Variants in MORN5 observed in about 807,000 individuals in gnomAD.
The protein encoded by MORN5 is MORN repeat containing 5, also known as MORN repeat-containing protein 5.
Under a neutral mutation model 22.1 loss-of-function variants are expected in MORN5, and 21 were observed. The observed-to-expected ratio is 0.95, with a 90% CI of 0.67 to 1.37. MORN5 has a LOEUF of 1.37. MORN5 is among the 40% of genes most tolerant of loss of function. The pLI is 0.00. For missense variants in MORN5, 211 were observed against 215.1 expected, an observed-to-expected ratio of 0.98 and a Z score of 0.12; for synonymous variants, 73 against 74.0, an observed-to-expected ratio of 0.99 and a Z score of 0.07.
chr9:122,187,247 G>A (rs1182561758), intron 4 of MORN5, among the ~76,000 whole-genome samples: 2 of 152,218 alleles, frequency 1.3e-5, no homozygotes, highest in Non-Finnish European at 2.9e-5. Flanking sequence ...ACATCCCAAA[G>A]GGAGGAGCCA....
intron 4 of MORN5, among the ~76,000 whole-genome samples, chr9:122,186,011 T>A (rs900227499): frequency 1.3e-5 from 2 of 152,200 alleles, no homozygotes; most frequent in African/African-American, 2.4e-5. Flanking sequence ...GGGACATCCA[T>A]GCTTTATCTG....
At chr9:122,186,135 G>A (rs1200465874) in intron 4 of MORN5, among the ~76,000 whole-genome samples, 2 of 152,212 alleles carry the variant, frequency 1.3e-5, no homozygotes, top group Non-Finnish European at 2.9e-5. Context: ...CGCATTTGCT[G>A]TAAGCAAAAG....
intron 3 of MORN5, among the ~76,000 whole-genome samples, chr9:122,170,599 C>A (rs1313055639): frequency 6.6e-6 from 1 of 152,200 alleles, no homozygotes; most frequent in Non-Finnish European, 1.5e-5. Flanking sequence ...CCTGCCCAGT[C>A]AGCCTTCCTA....
chr9:122,196,800 A>G (rs1829902780), intron 4 of MORN5, among the ~76,000 whole-genome samples: 1 of 152,200 alleles, frequency 6.6e-6, no homozygotes, highest in Non-Finnish European at 1.5e-5. Context: ...GACATAGGAT[A>G]TACTATGTGT....
intron 3 of MORN5, among the ~76,000 whole-genome samples, chr9:122,171,013 AAGTGT>A (rs1264774742): frequency 1.3e-5 from 2 of 152,154 alleles, no homozygotes; most frequent in African/African-American, 4.8e-5. Context: ...AAAAAAAGAA[AAGTGT>A]AGTTTTTGGC....
chr9:122,199,790 C>A, intron 4 of MORN5, 95 bp from the exon 5 acceptor site: 1 of 1,160,876 alleles, frequency 8.6e-7, no homozygotes, highest in Non-Finnish European at 1.3e-6. Context: ...ATCGACGGAC[C>A]ATCCCAGTCC....
chr9:122,166,610 T>C (rs567221763), intron 1 of MORN5, among the ~76,000 whole-genome samples, 158 bp from the exon 2 acceptor site: 111 of 152,156 alleles, frequency 7.3e-4, no homozygotes, highest in African/African-American at 2.5e-3. Context: ...TTTTGAGCTT[T>C]TGAGGGAAAC....
chr9:122,189,294 A>G (rs562193871), intron 4 of MORN5, among the ~76,000 whole-genome samples: 30 of 152,160 alleles, frequency 2.0e-4, no homozygotes, highest in African/African-American at 6.5e-4. Flanking sequence ...CTCTCTAACA[A>G]TTGTCAGAAG....
At chr9:122,187,377 C>G (rs545681840) in intron 4 of MORN5, among the ~76,000 whole-genome samples, 2 of 152,206 alleles carry the variant, frequency 1.3e-5, no homozygotes, top group African/African-American at 4.8e-5. Flanking sequence ...CATTCTGTTA[C>G]GGACGTGTCC....
chr9:122,171,654 C>T (rs1564416876), intron 3 of MORN5, among the ~76,000 whole-genome samples: 1 of 152,120 alleles, frequency 6.6e-6, no homozygotes, highest in African/African-American at 2.4e-5. Flanking sequence ...TCACCCCCAC[C>T]GTGATGGCTG....
At chr9:122,199,638 A>G (rs772216866) in intron 4 of MORN5, among the ~76,000 whole-genome samples, 2 of 152,174 alleles carry the variant, frequency 1.3e-5, no homozygotes. Context: ...TAGGGTGGCC[A>G]GACTCCTCAT....
rs748775621 is a variant in MORN5 at position 122,174,573 on chromosome 9, A to G, written c.385A>G (p.Asn129Asp). Reference sequence around the variant, plus strand: ...TTACGATTGTGGAGACGGCTTCTATAACCCAGTCACGAGGGTAGTCAAGGA... The same window carrying G: ...TTACGATTGTGGAGACGGCTTCTATGACCCAGTCACGAGGGTAGTCAAGGA... ...GYYDCGDGFY[N>D]PVTRVVKDYR... The change falls in exon 4 of 5, where the codon AAC becomes GAC. Residue 129 changes from asparagine to aspartate, a missense_variant. Transcript: ENST00000373764. 3 of 1,614,144 alleles carry G rather than the reference A, an allele frequency of 1.9e-6. No homozygotes were observed. In the South Asian group the frequency reaches 3.3e-5, roughly 18 times the overall value.
chr9:122,199,019 G>A (rs1294332817), intron 4 of MORN5, among the ~76,000 whole-genome samples: 1 of 151,422 alleles, frequency 6.6e-6, no homozygotes, highest in Non-Finnish European at 1.5e-5. Flanking sequence ...GGTGGAGGAG[G>A]GGCCCGGTAT....
chr9:122,163,466 T>G (rs1829231866), intron 1 of MORN5, among the ~76,000 whole-genome samples: 1 of 152,190 alleles, frequency 6.6e-6, no homozygotes, highest in Admixed American at 6.5e-5. Context: ...GAGCCGTCCT[T>G]AAAGGCTTCG....
chr9:122,198,304 C>T (rs555916246), intron 4 of MORN5, among the ~76,000 whole-genome samples: 16 of 152,192 alleles, frequency 1.1e-4, no homozygotes, highest in Non-Finnish European at 1.8e-4. Context: ...GCAAGCTTTC[C>T]GCCAGCCCTC....
intron 4 of MORN5, among the ~76,000 whole-genome samples, chr9:122,193,676 A>G (rs1829824513): frequency 6.6e-6 from 1 of 152,268 alleles, no homozygotes; most frequent in African/African-American, 2.4e-5. Flanking sequence ...AATTTTATAT[A>G]CACTAATACT....
intron 4 of MORN5, 75 bp from the exon 5 acceptor site, chr9:122,199,810 A>G: frequency 6.8e-7 from 1 of 1,475,504 alleles, no homozygotes; most frequent in South Asian, 1.1e-5. Flanking sequence ...CCAACGCCCC[A>G]CCTGGGGAAC....
rs1269710578 is a variant in MORN5 at position 122,197,187 on chromosome 9, T to C, written c.440-2698T>C. 2.6e-5 allele frequency among the ~76,000 whole-genome samples: 4 copies of C among 152,198 alleles called. No individual in the cohort carries two copies. Among genetic ancestry groups the C allele is most frequent in the Admixed American group, 6.5e-5 (1 of 15,274 alleles). On this transcript the variant is annotated intron_variant, in intron 4 of 4. Transcript: ENST00000373764. This position sits in a 1 kb window ranked among gnomAD's most constrained non-coding sequence, Gnocchi z 5.7. ...TGCACCAAACCAGAAATCTTCCTTCTCTCTGCACCACTGGCAGTTGTGCCA... is the reference window on the plus strand; with the variant it reads ...TGCACCAAACCAGAAATCTTCCTTCCCTCTGCACCACTGGCAGTTGTGCCA...
At position 122,166,909 on chromosome 9, in the gene MORN5, C is replaced by G; in HGVS notation, c.189C>G (p.Ala63=). 6.2e-7 allele frequency: 1 copy of G among 1,613,212 alleles called. No individual in the cohort carries two copies. Among genetic ancestry groups the G allele is most frequent in the Non-Finnish European group, 8.5e-7 (1 of 1,179,604 alleles). The change falls in exon 2 of 5, where the codon GCC becomes GCG. Residue 63 remains alanine (A), a synonymous_variant. Transcript: ENST00000373764. ...QYDAIWENGL[A]IKGTYTFSDG... is the part of the protein sequence containing the mutation. ...ACGCCATTTGGGAAAACGGATTGGC[C>G]ATAAAGGTGATCAGCTGGGGGGACG... is the stretch of plus-strand genomic sequence containing the variant.
Sources: gnomAD v4.1 joint callset for allele counts (sites outside exome capture counted in the v4.1 genomes callset) on GRCh38, gnomAD v4.1.1 for gene constraint, Gnocchi (gnomAD v3.1) non-coding constraint, MANE v1.5 for transcripts, NCBI Gene and HGNC (gene_info 2026-07-23, HGNC 2026-07-21) for gene names.